Variants in DHX35 observed in about 807,000 individuals in gnomAD.
The protein encoded by DHX35 is DEAH-box helicase 35, also known as probable ATP-dependent RNA helicase DHX35.
A neutral mutation model predicts 99.6 loss-of-function variants in DHX35; 84 were observed. The ratio of observed to expected loss-of-function variants is 0.84; its 90% CI spans 0.71 to 1.01. The LOEUF is 1.01. Among genes scored for constraint, DHX35 ranks in the 50% least tolerant of loss-of-function variants. DHX35 has a pLI of 0.00. For missense variants in DHX35, 852 were observed against 888.5 expected, an observed-to-expected ratio of 0.96 and a Z score of 0.52; for synonymous variants, 331 against 316.2, an observed-to-expected ratio of 1.05 and a Z score of -0.50.
chr20:39,002,535 A>G (rs1399795295), intron 9 of DHX35, among the ~76,000 whole-genome samples: 1 of 152,214 alleles, frequency 6.6e-6, no homozygotes, highest in Non-Finnish European at 1.5e-5. Flanking sequence ...TTGTATGGGT[A>G]TATCATGTTA....
At chr20:39,012,533 AT>A (rs753499361) in intron 13 of DHX35, among the ~76,000 whole-genome samples, 274 of 144,980 alleles carry the variant, frequency 1.9e-3, no homozygotes, top group Middle Eastern at 7.2e-3. Flanking sequence ...CTTTACACTA[AT>A]TTTTTTTTTT....
rs750175204 is a variant in DHX35, at chr20:38,992,390, T to G, written c.547T>G (p.Leu183Val). Residue 183 changes from leucine to valine, a missense_variant, in exon 7 of 22, where the codon TTG becomes GTG. By Grantham distance (32) the Leu-to-Val change is conservative (BLOSUM62 1). Transcript: ENST00000252011. Reference sequence around the variant, plus strand: ...GCTGGATGAAGCCCACGAGAGGACCTTGTACACTGACATTGCCATTGGCTT... The same window carrying G: ...GCTGGATGAAGCCCACGAGAGGACCGTGTACACTGACATTGCCATTGGCTT... ...IMLDEAHERT[L>V]YTDIAIGLLK... 1 of 1,614,144 alleles carries G rather than the reference T, an allele frequency of 6.2e-7. No individual in the cohort carries two copies. The highest frequency in any genetic ancestry group is 8.5e-7 in the Non-Finnish European group (1 of 1,179,994).
intron 1 of DHX35, 43 bp downstream of exon 1, chr20:38,962,450 C>T (rs2085845785): frequency 6.2e-7 from 1 of 1,603,102 alleles, no homozygotes; most frequent in Non-Finnish European, 8.5e-7. Flanking sequence ...GGCGGCCTGA[C>T]TTCGGTCTTG....
At chr20:38,964,831 T>A (rs764304263) in intron 1 of DHX35, among the ~76,000 whole-genome samples, 2 of 152,162 alleles carry the variant, frequency 1.3e-5, no homozygotes, top group African/African-American at 4.8e-5. Context: ...GAGAAGGTAC[T>A]AGTGAAATCC....
At chr20:38,998,331 C>G (rs774934895) in intron 8 of DHX35, among the ~76,000 whole-genome samples, 8 of 152,216 alleles carry the variant, frequency 5.3e-5, no homozygotes, top group Non-Finnish European at 8.8e-5. Context: ...AGAGAAGGAA[C>G]TTAGCATCAG....
intron 5 of DHX35, among the ~76,000 whole-genome samples, chr20:38,990,662 A>T (rs1270375740): frequency 6.6e-6 from 1 of 152,214 alleles, no homozygotes; most frequent in Non-Finnish European, 1.5e-5. Flanking sequence ...CATTCTAAAT[A>T]ATCTAGAGAT....
chr20:38,968,832 G>GTGA (rs2085949137), intron 1 of DHX35, among the ~76,000 whole-genome samples: 3 of 152,306 alleles, frequency 2.0e-5, no homozygotes, highest in Admixed American at 2.0e-4. Context: ...GATTACAGGC[G>GTGA]TGAGCCACTG....
chr20:38,995,882 G>A (rs1163022122), intron 8 of DHX35, among the ~76,000 whole-genome samples: 1 of 152,174 alleles, frequency 6.6e-6, no homozygotes, highest in Non-Finnish European at 1.5e-5. Flanking sequence ...ACAGGGACAT[G>A]ACCATGAGTT....
chr20:38,989,068 G>A, intron 5 of DHX35, 151 bp downstream of exon 5: 1 of 696,216 alleles, frequency 1.4e-6, no homozygotes, highest in East Asian at 3.2e-5. Flanking sequence ...ACTTTAGTCA[G>A]CTAGGAGACA....
chr20:39,002,700 G>A, intron 9 of DHX35, 72 bp from the exon 10 acceptor site: 1 of 1,393,856 alleles, frequency 7.2e-7, no homozygotes, highest in Non-Finnish European at 1.0e-6. Context: ...TTTGCTGCCA[G>A]ATTATTAGGG....
rs1293402530 is a variant in DHX35, at chr20:39,038,696, C to T, written c.*153C>T. On this transcript the variant is annotated 3_prime_UTR_variant, in exon 22 of 22. Transcript: ENST00000252011. Reference sequence around the variant, plus strand: ...GGCCTGTTCATTAGTCCTTTCTTCCCGCTGCCCACAGCATTTGCATCCTTG... The same window carrying T: ...GGCCTGTTCATTAGTCCTTTCTTCCTGCTGCCCACAGCATTTGCATCCTTG... 1.6e-5 allele frequency: 11 copies of T among 706,202 alleles called. No individual in the cohort carries two copies. The highest frequency in any genetic ancestry group is 1.4e-4 in the Admixed American group (5 of 36,798). 43.7% of individuals were successfully genotyped at this position (706,202 alleles called of 1,614,324 possible).
At chr20:38,965,049 C>G (rs2085890826) in intron 1 of DHX35, among the ~76,000 whole-genome samples, 2 of 152,178 alleles carry the variant, frequency 1.3e-5, no homozygotes, top group Admixed American at 6.5e-5. Context: ...TGTGCACTTG[C>G]ACCTCACACC....
chr20:39,038,127 G>A (rs2087185249), intron 21 of DHX35, among the ~76,000 whole-genome samples: 1 of 152,214 alleles, frequency 6.6e-6, no homozygotes, highest in South Asian at 2.1e-4. Context: ...GGAGATTTGA[G>A]ATCACTTCCA....
At chr20:38,992,003 T>C (rs144710499) in intron 6 of DHX35, among the ~76,000 whole-genome samples, 3 of 152,338 alleles carry the variant, frequency 2.0e-5, no homozygotes, top group South Asian at 2.1e-4. Context: ...ACTGTTGTTA[T>C]AGCTTAACAG....
intron 21 of DHX35, among the ~76,000 whole-genome samples, chr20:39,035,182 C>T (rs928104174): frequency 2.0e-5 from 3 of 152,252 alleles, no homozygotes; most frequent in Non-Finnish European, 4.4e-5. Flanking sequence ...AGTGATACTC[C>T]TGCCTCAGCC....
At chr20:38,999,090 C>T (rs1365493162) in intron 8 of DHX35, among the ~76,000 whole-genome samples, 1 of 152,188 alleles carries the variant, frequency 6.6e-6, no homozygotes, top group African/African-American at 2.4e-5. Flanking sequence ...CCGCATCCGG[C>T]CGAGTCTTAA....
rs755879684 is a variant in DHX35 at position 38,988,857 on chromosome 20, C to G, written c.390C>G (p.His130Gln). ...AAGAAAGGGGTGCAGTGCTGGGCCACGAGGTGGGCTACTGCATCCGCTTTG... is the reference window on the plus strand; with the variant it reads ...AAGAAAGGGGTGCAGTGCTGGGCCAGGAGGTGGGCTACTGCATCCGCTTTG... ...VAEERGAVLG[H>Q]EVGYCIRFDD... The change falls in exon 5 of 22, where the codon CAC becomes CAG. Residue 130 changes from histidine to glutamine, a missense_variant. By Grantham distance (24) the His-to-Gln change is conservative (BLOSUM62 0). Transcript: ENST00000252011. 3 of 1,613,728 alleles carry G rather than the reference C, an allele frequency of 1.9e-6. No individual in the cohort carries two copies. In the South Asian group the frequency reaches 3.3e-5, roughly 18 times the overall value.
intron 21 of DHX35, among the ~76,000 whole-genome samples, chr20:39,038,048 G>A (rs993992451): frequency 3.3e-5 from 5 of 152,126 alleles, no homozygotes; most frequent in African/African-American, 1.2e-4. Context: ...GTGTTGAGAC[G>A]CTTGGTAAAT....
intron 18 of DHX35, among the ~76,000 whole-genome samples, chr20:39,026,082 A>T (rs566391156): frequency 1.3e-5 from 2 of 152,358 alleles, no homozygotes; most frequent in Non-Finnish European, 2.9e-5. Context: ...CACCCGCCTC[A>T]GCAGTCAGCC....
Sources: gnomAD v4.1 joint callset for allele counts (sites outside exome capture counted in the v4.1 genomes callset) on GRCh38, gnomAD v4.1.1 for gene constraint, MANE v1.5 for transcripts, NCBI Gene and HGNC (gene_info 2026-07-23, HGNC 2026-07-21) for gene names.